CASP5: variants seen among roughly 807,000 people sequenced by gnomAD.
CASP5 encodes the protein caspase 5.
CASP5 carries 42 observed loss-of-function variants against 45.2 expected under a neutral mutation model. That is an observed-to-expected ratio of 0.93 (90% CI 0.73 to 1.20). The LOEUF (loss-of-function observed/expected upper bound fraction) is 1.20, where lower values mean the gene tolerates loss of function less well. CASP5 is among the 50% of genes most tolerant of loss of function. CASP5 has a pLI of 0.00. For missense variants in CASP5, 512 were observed against 532.2 expected (o/e 0.96, Z 0.37); for synonymous variants, 209 against 186.2 (o/e 1.12, Z -1.00).
intron 2 of CASP5, among the ~76,000 whole-genome samples, chr11:105,007,750 G>T (rs907904900): frequency 6.6e-6 from 1 of 151,966 alleles, no homozygotes; most frequent in Non-Finnish European, 1.5e-5. Flanking sequence ...TTGCCTCTTT[G>T]CTGTATTTAG....
At chr11:105,014,624 T>G (rs492981) in intron 1 of CASP5, among the ~76,000 whole-genome samples, 14,363 of 152,198 alleles carry the variant, frequency 0.094, 970 homozygotes, top group Admixed American at 0.21. Context: ...TAAGTTTGAT[T>G]TTATTTAATA....
chr11:105,022,054 A>G lies in CASP5; in HGVS notation c.7+1076T>C, dbSNP rs374494623. ...AAATCATCATTCTCAGTAAACTATC[A>G]CAAGAACAAAAAACCAAACACCGCA... On this transcript the variant is annotated intron_variant, in intron 1 of 9. Coordinates refer to ENST00000260315, the MANE Select transcript of CASP5 (RefSeq NM_004347.5). Among the ~76,000 whole-genome samples, 357 of 151,078 alleles carry G rather than the reference A, an allele frequency of 2.4e-3. 2 individuals are homozygous for G. Among genetic ancestry groups the G allele is most frequent in the African/African-American group, 8.0e-3 (329 of 41,106 alleles).
At chr11:105,016,939 C>T (rs1862641520) in intron 1 of CASP5, among the ~76,000 whole-genome samples, 1 of 151,544 alleles carries the variant, frequency 6.6e-6, no homozygotes, top group Non-Finnish European at 1.5e-5. Context: ...GTGGTTCTCC[C>T]AGCACGCAGC....
intron 5 of CASP5, 100 bp from the exon 6 acceptor site, chr11:105,000,595 G>T: frequency 9.4e-7 from 1 of 1,062,004 alleles, no homozygotes; most frequent in Non-Finnish European, 1.4e-6. Context: ...TGTAACATCC[G>T]GGTCGTGGTG....
intron 1 of CASP5, among the ~76,000 whole-genome samples, chr11:105,019,796 A>T (rs1486355351): frequency 6.9e-6 from 1 of 145,038 alleles, no homozygotes; most frequent in Non-Finnish European, 1.5e-5. Flanking sequence ...ATCCTCCCTA[A>T]CTCATTTTAT....
rs563437776 is a variant in CASP5 at position 104,996,947 on chromosome 11, A to AT, written c.1206+435dup. 5.4e-3 allele frequency among the ~76,000 whole-genome samples: 819 copies of AT among 152,104 alleles called. 7 individuals are homozygous for AT. Among genetic ancestry groups the AT allele is most frequent in the African/African-American group, 0.019 (783 of 41,512 alleles). ...ATTCTACCACAATCTGTAATTGCACATTTTTTTGTTAACCCATATTTTCAG... is the reference window on the plus strand; with the variant it reads ...ATTCTACCACAATCTGTAATTGCACATTTTTTTTGTTAACCCATATTTTCAG... On this transcript the variant is annotated intron_variant, in intron 8 of 9. Coordinates refer to ENST00000260315, the MANE Select transcript of CASP5 (RefSeq NM_004347.5).
intron 9 of CASP5, among the ~76,000 whole-genome samples, chr11:104,994,920 G>A (rs1861386949): frequency 6.6e-6 from 1 of 152,182 alleles, no homozygotes; most frequent in African/African-American, 2.4e-5. Context: ...CCATAACTGT[G>A]GCTGAATGTC....
In CASP5 at chr11:105,007,311, C is replaced by G. The variant is rs1172126398; in HGVS notation, c.205G>C (p.Val69Leu). The G allele has an allele frequency of 6.3e-7, 1 of 1,596,810 alleles. No individual in the cohort carries two copies. Among genetic ancestry groups the G allele is most frequent in the East Asian group, 2.2e-5 (1 of 44,784 alleles). Residue 69 changes from valine to leucine, a missense_variant, in exon 3 of 10, where the codon GTT (valine) becomes CTT (leucine). Transcript: ENST00000260315. ...TTGCCCAGGTATTCCAACATCTTAA[C>G]TGTTTTTTTTTTGTGGTTGTCTTCT... is the stretch of plus-strand genomic sequence containing the variant. ...VKKDNHKKKT[V>L]KMLEYLGKDV... is the part of the protein sequence containing the mutation.
At chr11:105,000,923 T>A (rs1198376394) in intron 5 of CASP5, among the ~76,000 whole-genome samples, 4 of 152,238 alleles carry the variant, frequency 2.6e-5, no homozygotes, top group Non-Finnish European at 5.9e-5. Context: ...ATGTCTGTTC[T>A]GCTTCAATCT....
intron 8 of CASP5, among the ~76,000 whole-genome samples, chr11:104,997,006 A>G (rs1449650130): frequency 1.4e-4 from 21 of 152,162 alleles, no homozygotes; most frequent in Non-Finnish European, 4.4e-5. Context: ...TGAGTCCTAG[A>G]TAGTCTTAAG....
rs761787953 is a variant in CASP5 at position 105,002,201 on chromosome 11, TCTGCAGGAGATGGAG to T, written c.544-15_544-1del. ...TCCTCTCTCTTTTTTATTGGATAGA[TCTGCAGGAGATGGAG>T]ATGAAGCAACTTTGATTACCCGAGT... is the stretch of plus-strand genomic sequence containing the variant. On this transcript the variant is annotated splice_acceptor_variant and splice_polypyrimidine_tract_variant and intron_variant, in intron 4 of 9. Coordinates refer to ENST00000260315, the MANE Select transcript of CASP5 (RefSeq NM_004347.5). LOFTEE classifies it high-confidence loss of function. The T allele has an allele frequency of 5.6e-6, 9 of 1,613,316 alleles. No homozygotes were observed. The highest frequency in any genetic ancestry group is 7.6e-6 in the Non-Finnish European group (9 of 1,179,734).
At position 104,995,698 on chromosome 11, in the gene CASP5, C is replaced by T. The variant is rs753549463; in HGVS notation, c.*4+42G>A. On this transcript the variant is annotated intron_variant, in intron 9 of 9. Coordinates refer to ENST00000260315, the MANE Select transcript of CASP5 (RefSeq NM_004347.5). ...TCATTGAACTTCACCACCGATATAG[C>T]TCTTTCATTTATTTCACCCTCCAAC... The T allele has an allele frequency of 1.8e-5, 23 of 1,283,998 alleles. No individual in the cohort carries two copies. In the African/African-American group the frequency reaches 2.9e-4, roughly 16 times the overall value. The allele number at this position is 1,283,998 out of a possible 1,614,324, so 79.5% of individuals were successfully genotyped here. A position where few individuals can be genotyped will look rare whatever the true frequency, so the allele number is the denominator to read the frequency against.
intron 2 of CASP5, among the ~76,000 whole-genome samples, chr11:105,008,426 G>A (rs1862111983): frequency 6.6e-6 from 1 of 152,018 alleles, no homozygotes. Context: ...TTGTGAGAAA[G>A]TACTGAAATT....
At chr11:105,007,382 G>C (rs752557261) in intron 2 of CASP5, 48 bp from the exon 3 acceptor site, 4 of 1,538,770 alleles carry the variant, frequency 2.6e-6, no homozygotes, top group Non-Finnish European at 3.5e-6. Flanking sequence ...AGCTTAAAGA[G>C]TTCTGCCTTC....
intron 1 of CASP5, among the ~76,000 whole-genome samples, chr11:105,009,795 A>ATATATATATATATACACACACG (rs1862215806): frequency 3.0e-5 from 3 of 99,318 alleles, no homozygotes; most frequent in African/African-American, 5.0e-5. Flanking sequence ...ATACACACGT[A>ATATATATATATATACACACACG]TATATATATA....
Position 104,997,471 on chromosome 11 carries a change from C to T in CASP5, c.1118G>A (p.Arg373His), listed in dbSNP as rs752690490. The change falls in exon 8 of 10, where the codon CGC becomes CAC. Residue 373 changes from arginine to histidine, a missense_variant. Physicochemically the swap from Arg to His is conservative, Grantham distance 29. Transcript: ENST00000260315. ...STPHNVSWRD[R>H]TRGSIFITEL... ...CGTAATGAAGATGGAGCCCCTTGTG[C>T]GGTCTCTCCAGGACACGTTATCTAT... The T allele has an allele frequency of 1.4e-5, 23 of 1,611,434 alleles. No homozygotes were observed. The highest frequency in any genetic ancestry group is 2.0e-5 in the Non-Finnish European group (23 of 1,177,908).
chr11:104,998,982 T>C lies in CASP5; in HGVS notation c.999A>G (p.Ala333=). The change falls in exon 7 of 10, where the codon GCA becomes GCG. Residue 333 remains alanine (A), a synonymous_variant. Transcript: ENST00000260315. ...TCTCAGATGACTGTGAAGAGATGAG[T>C]GCCAAGGATGCTGGAGAGTCTCTGA... The part of the protein sequence containing the change: ...LWVRDSPASL[A]LISSQSSENL... 2 of 1,613,716 alleles carry C rather than the reference T, an allele frequency of 1.2e-6. No homozygotes were observed. Among genetic ancestry groups the C allele is most frequent in the South Asian group, 2.2e-5 (2 of 91,046 alleles).
At chr11:105,013,215 A>T (rs966126827) in intron 1 of CASP5, among the ~76,000 whole-genome samples, 2 of 152,004 alleles carry the variant, frequency 1.3e-5, no homozygotes, top group Non-Finnish European at 2.9e-5. Context: ...GTAGACTCAC[A>T]AAAGTTAAAC....
At position 105,014,807 on chromosome 11, in the gene CASP5, C is replaced by T. The variant is rs148456790; in HGVS notation, c.8-5827G>A. On this transcript the variant is annotated intron_variant, in intron 1 of 9. Coordinates refer to ENST00000260315, the MANE Select transcript of CASP5 (RefSeq NM_004347.5). The stretch of plus-strand genomic sequence containing the variant: ...AAGTGGAAAGATAGATATGCAAATA[C>T]ATCAAATAAAAAACATTGTAAGAAT... 2.5e-3 allele frequency among the ~76,000 whole-genome samples: 381 copies of T among 152,148 alleles called. 3 individuals carry two copies. The highest frequency in any genetic ancestry group is 8.6e-3 in the African/African-American group (355 of 41,514).
Sources: gnomAD v4.1 joint callset for allele counts (sites outside exome capture counted in the v4.1 genomes callset) on GRCh38, gnomAD v4.1.1 for gene constraint, MANE v1.5 for transcripts, NCBI Gene and HGNC (gene_info 2026-07-23, HGNC 2026-07-21) for gene names.